The following ACSM3 variants were observed in gnomAD, a reference collection of about 807,000 sequenced individuals.
ACSM3 encodes acyl-CoA synthetase medium chain family member 3.
ACSM3 carries 61 observed loss-of-function variants against 74.1 expected under a neutral mutation model. The ratio of observed to expected loss-of-function variants is 0.82; its 90% CI spans 0.67 to 1.02. The LOEUF is 1.02. ACSM3 is among the 50% of genes least tolerant of loss of function. The probability of loss-of-function intolerance (pLI) is 0.00; values close to 1 mark genes in which losing one functional copy is unlikely to be tolerated. For synonymous variants in ACSM3, 213 were observed against 241.5 expected (o/e 0.88, Z 1.09); for missense variants, 660 against 697.0 (o/e 0.95, Z 0.60).
intron 1 of ACSM3, among the ~76,000 whole-genome samples, chr16:20,685,820 A>AT: frequency 1.4e-5 from 1 of 72,014 alleles, no homozygotes; most frequent in Non-Finnish European, 3.7e-5. Context: ...ACTCCGTCTC[A>AT]AAAAAAAAAA....
At position 20,797,306 on chromosome 16, in the gene ACSM3, A is replaced by G; in HGVS notation, c.*334A>G. ...ACTTTAGTTGACTAATTCTTCTGAT[A>G]TGTTGATATACAAATCAGAACCAAT... On this transcript the variant is annotated 3_prime_UTR_variant, in exon 14 of 14. Coordinates refer to ENST00000289416, the MANE Select transcript of ACSM3 (RefSeq NM_005622.4). 1.9e-6 allele frequency: 2 copies of G among 1,033,004 alleles called. No homozygotes were observed. Among genetic ancestry groups the G allele is most frequent in the South Asian group, 8.3e-5 (2 of 24,032 alleles). The allele number at this position is 1,033,004 out of a possible 1,614,324, so 64.0% of individuals were successfully genotyped here.
intron 1 of ACSM3, among the ~76,000 whole-genome samples, chr16:20,742,800 T>G (rs2079938833): frequency 1.8e-5 from 1 of 55,206 alleles, no homozygotes; most frequent in African/African-American, 4.8e-5. Context: ...TAAATATATA[T>G]ATATATATAT....
At position 20,705,383 on chromosome 16, in the gene ACSM3, A is replaced by G. The variant is rs531849391; in HGVS notation, c.-190+30561A>G. ...GCGAGACTCCGTCTCAGAAAAAAAAAAAAAAACAACTTCAGAATGCATTAG... is the reference window on the plus strand; with the variant it reads ...GCGAGACTCCGTCTCAGAAAAAAAAGAAAAAACAACTTCAGAATGCATTAG... On this transcript the variant is annotated intron_variant, in intron 1 of 3. Coordinates refer to the ACSM3 transcript ENST00000561584. Among the ~76,000 whole-genome samples the G allele has an allele frequency of 1.3e-3, 204 of 152,142 alleles. 1 individual carries two copies. The highest frequency in any genetic ancestry group is 4.7e-3 in the African/African-American group (196 of 41,526).
At chr16:20,791,586 A>C (rs1208147579) in intron 10 of ACSM3, among the ~76,000 whole-genome samples, 7 of 152,158 alleles carry the variant, frequency 4.6e-5, no homozygotes, top group African/African-American at 1.7e-4. Context: ...CCTAACTCTA[A>C]TGCTTCTCAA....
At chr16:20,692,290 C>T (rs1167204118) in intron 1 of ACSM3, among the ~76,000 whole-genome samples, 1 of 152,132 alleles carries the variant, frequency 6.6e-6, no homozygotes, top group Non-Finnish European at 1.5e-5. Context: ...GTTTTATATA[C>T]TTTAGGAAGG....
chr16:20,789,594 A>G (rs7196128), intron 9 of ACSM3: 217,680 of 1,431,298 alleles, frequency 0.15, 17,760 homozygotes, highest in African/African-American at 0.27. Context: ...GAAGATATTT[A>G]TTTATCAAGA....
intron 12 of ACSM3, chr16:20,796,024 G>A (rs1015467026): frequency 5.7e-6 from 1 of 175,140 alleles, no homozygotes; most frequent in Non-Finnish European, 1.2e-5. Flanking sequence ...CAAAAAAATA[G>A]CTGCTGGAAT....
chr16:20,731,002 CAT>C (rs2079827164), intron 1 of ACSM3, among the ~76,000 whole-genome samples: 1 of 152,126 alleles, frequency 6.6e-6, no homozygotes, highest in African/African-American at 2.4e-5. Context: ...TAGGACTACA[CAT>C]GTGCATTATC....
chr16:20,680,635 A>G (rs1449309500), intron 1 of ACSM3: 1 of 152,266 alleles, frequency 6.6e-6, no homozygotes, highest in African/African-American at 2.4e-5. Flanking sequence ...AAAGGCTTTC[A>G]CAGAGGCAGT....
rs557179996 is a variant in ACSM3 at position 20,684,016 on chromosome 16, G to A, written c.-190+9194G>A. 7.2e-5 allele frequency among the ~76,000 whole-genome samples: 11 copies of A among 152,130 alleles called. No individual in the cohort carries two copies. In the South Asian group the frequency reaches 1.5e-3, roughly 20 times the overall value. On this transcript the variant is annotated intron_variant, in intron 1 of 3. Coordinates refer to the ACSM3 transcript ENST00000561584. ...TTTTATTTGTGAGAGAATATGAGAC[G>A]GAGAGAGAGAAAATATGATCAAGAG...
At position 20,785,088 on chromosome 16, in the gene ACSM3, G is replaced by C; in HGVS notation, c.1124G>C (p.Gly375Ala). 1 of 1,613,338 alleles carries C rather than the reference G, an allele frequency of 6.2e-7. No homozygotes were observed. Among genetic ancestry groups the C allele is most frequent in the Non-Finnish European group, 8.5e-7 (1 of 1,179,530 alleles). ...RNKTGLDIYE[G>A]YGQTETVLIC... ...AAGACGGGCCTGGATATCTACGAAGGATATGGACAGACTGAAACGGTACCT... is the reference window on the plus strand; with the variant it reads ...AAGACGGGCCTGGATATCTACGAAGCATATGGACAGACTGAAACGGTACCT... Residue 375 changes from glycine (G) to alanine (A), a missense_variant, in exon 8 of 14, where the codon GGA becomes GCA. Transcript: ENST00000289416.
At chr16:20,696,487 A>C (rs893358640) in intron 1 of ACSM3, among the ~76,000 whole-genome samples, 1 of 152,274 alleles carries the variant, frequency 6.6e-6, no homozygotes, top group East Asian at 1.9e-4. Flanking sequence ...GTGTGCCCAC[A>C]AATTATCTGA....
At chr16:20,737,506 TAA>T (rs970397765) in intron 1 of ACSM3, among the ~76,000 whole-genome samples, 2 of 152,200 alleles carry the variant, frequency 1.3e-5, no homozygotes, top group African/African-American at 4.8e-5. Context: ...AATTTCGAGT[TAA>T]AAAAGACTTT....
At chr16:20,770,469 A>C (rs1439450196) in intron 2 of ACSM3, among the ~76,000 whole-genome samples, 1 of 152,176 alleles carries the variant, frequency 6.6e-6, no homozygotes, top group African/African-American at 2.4e-5. Context: ...CCGAAATGTC[A>C]ATAGTTCCAT....
At chr16:20,774,122 T>G (rs990541087) in intron 2 of ACSM3, among the ~76,000 whole-genome samples, 4 of 152,196 alleles carry the variant, frequency 2.6e-5, no homozygotes, top group Non-Finnish European at 4.4e-5. Context: ...CTTCTTTGCC[T>G]CTTTTTATGT....
chr16:20,780,718 G>A lies in ACSM3; in HGVS notation c.643G>A (p.Ala215Thr), dbSNP rs765286234. The A allele has an allele frequency of 6.2e-7, 1 of 1,614,156 alleles. No homozygotes were observed. The highest frequency in any genetic ancestry group is 1.1e-5 in the South Asian group (1 of 91,082). The change falls in exon 5 of 14, where the codon GCC becomes ACC. Residue 215 changes from alanine (A) to threonine (T), a missense_variant. Coordinates refer to ENST00000289416, the MANE Select transcript of ACSM3 (RefSeq NM_005622.4). ...ATTGTAGTTTTTCCTTTGCAGACAT[G>A]CCAGTGACAGCCACACCTGTGTGAA... ...WGNLKELMKH[A>T]SDSHTCVKTK...
chr16:20,770,263 G>T lies in ACSM3; in HGVS notation c.219+10G>T. The T allele has an allele frequency of 1.9e-6, 3 of 1,609,966 alleles. No individual in the cohort carries two copies. Among genetic ancestry groups the T allele is most frequent in the Non-Finnish European group, 2.6e-6 (3 of 1,176,284 alleles). ...GACTGATAAGGAAAAGGTATGGGGG[G>T]AGGGCCAGTCAGACCACAATTTCTC... On this transcript the variant is annotated intron_variant, in intron 2 of 13. Transcript: ENST00000289416.
At chr16:20,711,780 G>A in intron 1 of ACSM3, 1 of 360,096 alleles carries the variant, frequency 2.8e-6, no homozygotes, top group Non-Finnish European at 5.4e-6. Flanking sequence ...AACACTGTGA[G>A]TTGATCTGGG....
intron 1 of ACSM3, chr16:20,736,668 C>T: frequency 1.8e-6 from 1 of 544,178 alleles, no homozygotes. Flanking sequence ...GCAACAGCAG[C>T]ACATGGGTCT....
Sources: gnomAD v4.1 joint callset for allele counts (sites outside exome capture counted in the v4.1 genomes callset) on GRCh38, gnomAD v4.1.1 for gene constraint, MANE v1.5 for transcripts, NCBI Gene and HGNC (gene_info 2026-07-23, HGNC 2026-07-21) for gene names.